Variants in UNC13C observed in about 807,000 individuals in gnomAD.
UNC13C encodes the protein unc-13 homolog C.
In UNC13C, 174 loss-of-function variants were observed where a neutral mutation model predicts 245.4. The ratio of observed to expected loss-of-function variants is 0.71; its 90% CI spans 0.63 to 0.80. The LOEUF (loss-of-function observed/expected upper bound fraction) is 0.80. Among genes scored for constraint, UNC13C ranks in the 30% least tolerant of loss-of-function variants. UNC13C has a pLI of 0.00. For missense variants in UNC13C, 2,829 were observed against 2,602.9 expected, an observed-to-expected ratio of 1.09 and a Z score of -1.89; for synonymous variants, 992 against 895.1, an observed-to-expected ratio of 1.11 and a Z score of -1.93.
chr15:54,107,399 A>G (rs1900500495), intron 2 of UNC13C, among the ~76,000 whole-genome samples: 1 of 152,208 alleles, frequency 6.6e-6, no homozygotes. Context: ...GTGTTGGTTT[A>G]GTTTTTGATG....
At chr15:54,149,140 C>T (rs1057479062) in intron 4 of UNC13C, among the ~76,000 whole-genome samples, 5 of 152,120 alleles carry the variant, frequency 3.3e-5, no homozygotes, top group Non-Finnish European at 5.9e-5. Context: ...ATGTAAGAGA[C>T]GCCTTTCTTC....
At chr15:54,535,779 T>A (rs1047894833) in intron 26 of UNC13C, among the ~76,000 whole-genome samples, 1 of 152,130 alleles carries the variant, frequency 6.6e-6, no homozygotes, top group African/African-American at 2.4e-5. Flanking sequence ...AGAAATCAAG[T>A]AATCCTTTGA....
chr15:54,542,816 T>G (rs1566898218), intron 26 of UNC13C, among the ~76,000 whole-genome samples: 1 of 152,188 alleles, frequency 6.6e-6, no homozygotes, highest in Non-Finnish European at 1.5e-5. Flanking sequence ...AGACTAGGTT[T>G]GCAACCCTTG....
At chr15:53,925,580 G>A in the UNC13C span, among the ~76,000 whole-genome samples, 5 of 152,130 alleles carry the variant, frequency 3.3e-5, no homozygotes, top group South Asian at 2.1e-4. Flanking sequence ...GTTAAATTCC[G>A]GCTTTTCTTA....
the UNC13C span, among the ~76,000 whole-genome samples, chr15:53,856,262 A>T: frequency 5.3e-5 from 8 of 151,258 alleles, no homozygotes; most frequent in Admixed American, 5.3e-4. Context: ...GATCTTTTGA[A>T]TTTTTTTGTA....
Position 54,401,505 on chromosome 15 carries a change from A to T in UNC13C, c.4847+8324A>T, listed in dbSNP as rs16974581. Among the ~76,000 whole-genome samples, 8 of 152,278 alleles carry T rather than the reference A, an allele frequency of 5.3e-5. No homozygotes were observed. In the East Asian group the frequency reaches 1.5e-3, roughly 29 times the overall value. ...CTGTACCAAGAAATACTAAGAGTGA[A>T]TCGGCTGACAGGGAGAATAGACACT... On this transcript the variant is annotated intron_variant, in intron 18 of 32. Coordinates refer to ENST00000260323, the MANE Select transcript of UNC13C (RefSeq NM_001080534.3).
chr15:53,880,574 C>T, the UNC13C span, among the ~76,000 whole-genome samples: 1 of 152,118 alleles, frequency 6.6e-6, no homozygotes, highest in African/African-American at 2.4e-5. Flanking sequence ...TGACAGCTCT[C>T]TCGGGACCAA....
At chr15:53,862,716 G>T in the UNC13C span, among the ~76,000 whole-genome samples, 1 of 152,086 alleles carries the variant, frequency 6.6e-6, no homozygotes, top group African/African-American at 2.4e-5. Context: ...CACTCACGTT[G>T]GGGAGACAGA....
chr15:54,280,901 G>T (rs935085562), intron 10 of UNC13C, among the ~76,000 whole-genome samples: 2 of 151,752 alleles, frequency 1.3e-5, no homozygotes, highest in Admixed American at 1.3e-4. Flanking sequence ...AGGCTCAAGC[G>T]ATTTTCCTGC....
chr15:54,231,679 C>A (rs564795351), intron 4 of UNC13C, among the ~76,000 whole-genome samples: 1 of 152,058 alleles, frequency 6.6e-6, no homozygotes, highest in South Asian at 2.1e-4. Context: ...AATTAGTTAT[C>A]CTTAGTGAGT....
At chr15:53,904,040 AC>A in the UNC13C span, among the ~76,000 whole-genome samples, 1 of 152,144 alleles carries the variant, frequency 6.6e-6, no homozygotes, top group Non-Finnish European at 1.5e-5. Context: ...TATCACACAC[AC>A]CTAATAATTT....
chr15:53,882,429 A>C, the UNC13C span, among the ~76,000 whole-genome samples: 3 of 152,152 alleles, frequency 2.0e-5, no homozygotes, highest in Admixed American at 2.0e-4. Flanking sequence ...CATGTAACCC[A>C]GTCATTATTT....
chr15:54,479,398 A>G (rs1314572440), intron 19 of UNC13C, among the ~76,000 whole-genome samples: 1 of 151,878 alleles, frequency 6.6e-6, no homozygotes, highest in Non-Finnish European at 1.5e-5. Flanking sequence ...TTATTCCTGC[A>G]TGCTTTTGAT....
chr15:54,270,952 T>A (rs2036673223), intron 10 of UNC13C, among the ~76,000 whole-genome samples: 1 of 152,022 alleles, frequency 6.6e-6, no homozygotes, highest in African/African-American at 2.4e-5. Flanking sequence ...ACTGGTAAAA[T>A]GAAAAGGTAG....
intron 2 of UNC13C, among the ~76,000 whole-genome samples, chr15:54,106,968 A>G (rs1048517959): frequency 6.6e-6 from 1 of 152,256 alleles, no homozygotes; most frequent in African/African-American, 2.4e-5. Context: ...AATGAAAGAT[A>G]CTTTCAAAGT....
intron 21 of UNC13C, 127 bp from the exon 22 acceptor site, chr15:54,500,708 G>A: frequency 5.5e-6 from 4 of 730,052 alleles, no homozygotes; most frequent in Non-Finnish European, 8.8e-6. Flanking sequence ...AAGTGGGTAA[G>A]CATTTTATTA....
At chr15:54,552,616 TTA>T (rs1157382877) in intron 28 of UNC13C, among the ~76,000 whole-genome samples, 3 of 72,718 alleles carry the variant, frequency 4.1e-5, no homozygotes, top group East Asian at 4.3e-4. Flanking sequence ...AATTATATAA[TTA>T]TATTATATAT....
At chr15:54,551,056 G>A (rs1896714722) in intron 28 of UNC13C, among the ~76,000 whole-genome samples, 1 of 152,116 alleles carries the variant, frequency 6.6e-6, no homozygotes, top group African/African-American at 2.4e-5. Flanking sequence ...TAAGCAAACA[G>A]GGAATTTACT....
At position 54,519,653 on chromosome 15, in the gene UNC13C, G is replaced by C. The variant is rs1402111; in HGVS notation, c.5458-5896G>C. On this transcript the variant is annotated intron_variant, in intron 24 of 32. Transcript: ENST00000260323. Reference sequence around the variant, plus strand: ...TGCCATAGTCTGTCTGAAAATTGTCGTGTAAGTTCTTGGAGTTTCTCCTTA... The same window carrying C: ...TGCCATAGTCTGTCTGAAAATTGTCCTGTAAGTTCTTGGAGTTTCTCCTTA... 6.6e-5 allele frequency among the ~76,000 whole-genome samples: 10 copies of C among 152,140 alleles called. No homozygotes were observed. In the East Asian group the frequency reaches 1.5e-3, roughly 24 times the overall value.
Sources: allele counts gnomAD v4.1 joint callset (sites outside exome capture counted in the v4.1 genomes callset), GRCh38; gene constraint gnomAD v4.1.1; transcripts MANE v1.5; gene names NCBI Gene and HGNC (gene_info 2026-07-23, HGNC 2026-07-21).